The following ARHGAP32 variants were observed in gnomAD, a reference collection of about 807,000 sequenced individuals.
ARHGAP32 encodes Rho GTPase activating protein 32, also known as rho GTPase-activating protein 32.
In ARHGAP32, 51 loss-of-function variants were observed where a neutral mutation model predicts 186.5. The observed-to-expected ratio is 0.27, with a 90% CI of 0.22 to 0.35. ARHGAP32 has a LOEUF of 0.35. ARHGAP32 is among the 10% of genes least tolerant of loss of function. ARHGAP32 has a pLI of 1.00. For synonymous variants in ARHGAP32, 950 were observed against 964.3 expected, an observed-to-expected ratio of 0.99 and a Z score of 0.27; for missense variants, 2,186 against 2,623.5, an observed-to-expected ratio of 0.83 and a Z score of 3.64.
At chr11:129,157,387 T>C (rs945906298) in intron 2 of ARHGAP32, among the ~76,000 whole-genome samples, 1 of 152,000 alleles carries the variant, frequency 6.6e-6, no homozygotes, top group African/African-American at 2.4e-5. Flanking sequence ...TAACATAAAT[T>C]ACTTGATGGA....
intron 6 of ARHGAP32, among the ~76,000 whole-genome samples, chr11:129,080,086 A>G (rs1483413254): frequency 6.6e-6 from 1 of 152,146 alleles, no homozygotes; most frequent in Admixed American, 6.5e-5. Flanking sequence ...CTAACACTGG[A>G]GCTCTCAAAT....
chr11:129,138,296 T>TAAAA (rs9331713), intron 2 of ARHGAP32, among the ~76,000 whole-genome samples: 1 of 51,664 alleles, frequency 1.9e-5, no homozygotes. Flanking sequence ...CCCTTACTGG[T>TAAAA]AAAAAAAAAA....
chr11:129,033,298 G>T (rs1441447708), intron 11 of ARHGAP32, among the ~76,000 whole-genome samples: 2 of 152,180 alleles, frequency 1.3e-5, no homozygotes, highest in Non-Finnish European at 2.9e-5. Flanking sequence ...AAGTGGAACT[G>T]CTGGGTTACA....
At chr11:129,188,951 A>G (rs1458198776) in intron 1 of ARHGAP32, among the ~76,000 whole-genome samples, 1 of 152,178 alleles carries the variant, frequency 6.6e-6, no homozygotes, top group African/African-American at 2.4e-5. Context: ...ACAAAATCAT[A>G]TGATAAACAT....
intron 12 of ARHGAP32, among the ~76,000 whole-genome samples, chr11:128,988,618 C>G (rs561679686): frequency 6.6e-6 from 1 of 152,270 alleles, no homozygotes; most frequent in East Asian, 1.9e-4. Context: ...TCTATATTTT[C>G]ATAGTTAATG....
intron 10 of ARHGAP32, among the ~76,000 whole-genome samples, chr11:129,057,701 TAA>T (rs34991638): frequency 0.026 from 3,387 of 130,168 alleles, 69 homozygotes; most frequent in East Asian, 0.085. Flanking sequence ...TAGCGTTTGA[TAA>T]AAAAAAAAAA....
chr11:128,989,686 T>G (rs1945990198), intron 12 of ARHGAP32, among the ~76,000 whole-genome samples: 1 of 152,096 alleles, frequency 6.6e-6, no homozygotes, highest in African/African-American at 2.4e-5. Context: ...CATTGAGTAT[T>G]TCTCCTAATG....
upstream of ARHGAP32, chr11:129,279,367 G>C (rs1945581715): frequency 6.9e-6 from 1 of 145,668 alleles, no homozygotes; most frequent in African/African-American, 2.5e-5. Flanking sequence ...GCCCCGTCAG[G>C]CTCGGGGGCG....
chr11:129,091,723 G>A (rs1346071672), intron 6 of ARHGAP32, among the ~76,000 whole-genome samples: 6 of 152,024 alleles, frequency 3.9e-5, no homozygotes, highest in Middle Eastern at 3.2e-3. Context: ...GAGTGAAATA[G>A]ACACAGAAAA....
rs376590576 is a variant in ARHGAP32, at chr11:129,190,204, C to A, written c.116+1879G>T. Among the ~76,000 whole-genome samples, 8 of 152,268 alleles carry A rather than the reference C, an allele frequency of 5.3e-5. No homozygotes were observed. The South Asian group carries it at 1.0e-3, about 20-fold the overall frequency. ...GTTACAGCTGCAACTCCTATCCGAC[C>A]CTTCCCCTTCCACACCCATGCCTCC... On this transcript the variant is annotated intron_variant, in intron 1 of 22. Coordinates refer to ENST00000682385, the MANE Select transcript of ARHGAP32 (RefSeq NM_001378024.1).
At chr11:129,126,639 T>C (rs920353534) in intron 2 of ARHGAP32, among the ~76,000 whole-genome samples, 100 of 152,250 alleles carry the variant, frequency 6.6e-4, no homozygotes, top group African/African-American at 2.3e-3. Flanking sequence ...TAGACTCTAA[T>C]AAAGACGGCA....
chr11:129,199,177 G>A (rs1052432241), intron 1 of ARHGAP32, among the ~76,000 whole-genome samples: 1 of 152,188 alleles, frequency 6.6e-6, no homozygotes, highest in African/African-American at 2.4e-5. Context: ...GGGAAACAGA[G>A]AATAAAAGTT....
At chr11:129,106,717 T>G (rs374650745) in intron 5 of ARHGAP32, among the ~76,000 whole-genome samples, 4 of 151,876 alleles carry the variant, frequency 2.6e-5, no homozygotes, top group African/African-American at 7.2e-5. Flanking sequence ...ACTAGATAGC[T>G]CAACAACAGA....
chr11:129,238,894 G>A (rs538785539), intron 1 of ARHGAP32, among the ~76,000 whole-genome samples: 5 of 152,180 alleles, frequency 3.3e-5, no homozygotes, highest in South Asian at 4.2e-4. Context: ...GGGTGCAGTG[G>A]TGTAATCTCG....
chr11:129,168,808 C>T (rs770731255), intron 1 of ARHGAP32, among the ~76,000 whole-genome samples: 2 of 151,942 alleles, frequency 1.3e-5, no homozygotes, highest in Non-Finnish European at 2.9e-5. Context: ...TCATGAATCA[C>T]GTTTTATAAC....
upstream of ARHGAP32, among the ~76,000 whole-genome samples, chr11:129,193,656 A>G (rs1944337137): frequency 1.5e-5 from 1 of 68,810 alleles, no homozygotes; most frequent in Non-Finnish European, 2.7e-5. Flanking sequence ...TAATACATAT[A>G]CAATATATAT....
intron 11 of ARHGAP32, among the ~76,000 whole-genome samples, chr11:128,999,546 T>C (rs889672326): frequency 1.3e-5 from 2 of 152,154 alleles, no homozygotes; most frequent in East Asian, 1.9e-4. Context: ...ACCCTCCCCT[T>C]TGAAAATTGC....
At chr11:129,182,751 C>T (rs1463497529) in intron 1 of ARHGAP32, among the ~76,000 whole-genome samples, 1 of 151,722 alleles carries the variant, frequency 6.6e-6, no homozygotes, top group Admixed American at 6.6e-5. Context: ...TCAAGAGATC[C>T]TCCCACTTCA....
At position 129,151,353 on chromosome 11, in the gene ARHGAP32, C is replaced by T. The variant is rs191610231; in HGVS notation, c.225+12966G>A. Reference sequence around the variant, plus strand: ...CAACAAAGAAACAATAGACTTAAAACTAAACCCTAGAACAAATGGATTTAA... The same window carrying T: ...CAACAAAGAAACAATAGACTTAAAATTAAACCCTAGAACAAATGGATTTAA... On this transcript the variant is annotated intron_variant, in intron 2 of 22. Transcript: ENST00000682385. 1.4e-3 allele frequency among the ~76,000 whole-genome samples: 216 copies of T among 152,236 alleles called. 2 individuals are homozygous for T. The highest frequency in any genetic ancestry group is 0.013 in the Admixed American group (192 of 15,278).
Sources: allele counts gnomAD v4.1 joint callset (sites outside exome capture counted in the v4.1 genomes callset), GRCh38; gene constraint gnomAD v4.1.1; transcripts MANE v1.5; gene names NCBI Gene and HGNC (gene_info 2026-07-23, HGNC 2026-07-21).